Variants in GNA14 observed in about 807,000 individuals in gnomAD.
GNA14 encodes the protein guanine nucleotide-binding protein subunit alpha-14.
Under a neutral mutation model 42.0 loss-of-function variants are expected in GNA14, and 50 were observed. That is an observed-to-expected ratio of 1.19 (90% confidence interval 0.95 to 1.51). GNA14 has a LOEUF of 1.51. Among genes scored for constraint, GNA14 ranks in the 40% most tolerant of loss-of-function variants. GNA14 has a pLI of 0.00. For synonymous variants in GNA14, 173 were observed against 163.1 expected, an observed-to-expected ratio of 1.06 and a Z score of -0.46; for missense variants, 473 against 446.2, an observed-to-expected ratio of 1.06 and a Z score of -0.54.
chr9:77,590,080 C>T (rs1823368626), intron 1 of GNA14, among the ~76,000 whole-genome samples: 1 of 152,086 alleles, frequency 6.6e-6, no homozygotes, highest in African/African-American at 2.4e-5. Context: ...CCACGTCCAG[C>T]TAATTTTTGC....
intron 1 of GNA14, among the ~76,000 whole-genome samples, chr9:77,636,187 A>T (rs1408101665): frequency 6.6e-6 from 1 of 152,192 alleles, no homozygotes; most frequent in African/African-American, 2.4e-5. Flanking sequence ...AACAGAAGCA[A>T]ATATTCTGGG....
At chr9:77,582,486 C>T (rs1017114357) in intron 1 of GNA14, among the ~76,000 whole-genome samples, 4 of 152,208 alleles carry the variant, frequency 2.6e-5, no homozygotes, top group African/African-American at 9.6e-5. Context: ...CCCCTGAGAT[C>T]TTGTCCATTA....
At chr9:77,599,648 T>C (rs1198401721) in intron 1 of GNA14, among the ~76,000 whole-genome samples, 1 of 152,170 alleles carries the variant, frequency 6.6e-6, no homozygotes, top group Non-Finnish European at 1.5e-5. Context: ...CCGGGGAGCC[T>C]GCCATGATCT....
intron 2 of GNA14, among the ~76,000 whole-genome samples, chr9:77,443,323 A>G (rs895577107): frequency 6.7e-6 from 1 of 150,096 alleles, no homozygotes; most frequent in Admixed American, 6.6e-5. Context: ...GACTTCACGT[A>G]AAAAAATGGA....
intron 2 of GNA14, among the ~76,000 whole-genome samples, chr9:77,458,003 G>GA (rs1836034674): frequency 1.3e-5 from 2 of 151,948 alleles, no homozygotes; most frequent in Non-Finnish European, 2.9e-5. Context: ...ATGTGCTTTT[G>GA]AAACGGTGGT....
At chr9:77,486,092 A>G (rs1030149292) in intron 2 of GNA14, among the ~76,000 whole-genome samples, 3 of 152,216 alleles carry the variant, frequency 2.0e-5, no homozygotes, top group East Asian at 1.9e-4. Context: ...TCTTCTTCCA[A>G]TAGAAGGCTG....
intron 2 of GNA14, among the ~76,000 whole-genome samples, chr9:77,488,191 A>G (rs1836693748): frequency 6.6e-6 from 1 of 152,172 alleles, no homozygotes; most frequent in Non-Finnish European, 1.5e-5. Flanking sequence ...GAGAAATTTA[A>G]AAAACTGTGA....
chr9:77,560,286 C>CTTTT (rs770870060), intron 1 of GNA14, among the ~76,000 whole-genome samples: 41 of 119,542 alleles, frequency 3.4e-4, no homozygotes, highest in African/African-American at 1.3e-3. Flanking sequence ...CCTCTCCAGT[C>CTTTT]TTTTTTTTTT....
At chr9:77,568,190 C>A (rs898499373) in intron 1 of GNA14, among the ~76,000 whole-genome samples, 2 of 152,074 alleles carry the variant, frequency 1.3e-5, no homozygotes, top group African/African-American at 4.8e-5. Flanking sequence ...GTGGCTCATA[C>A]CTGTAATCCC....
intron 1 of GNA14, among the ~76,000 whole-genome samples, chr9:77,641,583 A>T (rs1824268400): frequency 6.6e-6 from 1 of 151,986 alleles, no homozygotes; most frequent in Non-Finnish European, 1.5e-5. Context: ...TTAAAAAAAA[A>T]GGGAGAGGGG....
At chr9:77,610,424 CT>C (rs991886351) in intron 1 of GNA14, among the ~76,000 whole-genome samples, 8 of 152,276 alleles carry the variant, frequency 5.3e-5, no homozygotes, top group African/African-American at 1.7e-4. Flanking sequence ...CCTTCTGCCC[CT>C]ACACCTTAAA....
intron 2 of GNA14, 62 bp downstream of exon 2, chr9:77,529,007 T>C: frequency 7.2e-7 from 1 of 1,387,826 alleles, no homozygotes; most frequent in Admixed American, 1.7e-5. Context: ...GGAATCTTTG[T>C]GCTAACCAGA....
At chr9:77,646,870 T>A (rs746445378) in intron 1 of GNA14, among the ~76,000 whole-genome samples, 19 of 152,240 alleles carry the variant, frequency 1.2e-4, no homozygotes, top group Non-Finnish European at 2.6e-4. Flanking sequence ...TGAAAGTGGA[T>A]GTCCTACCCA....
At chr9:77,606,496 T>C (rs894309597) in intron 1 of GNA14, among the ~76,000 whole-genome samples, 7 of 152,228 alleles carry the variant, frequency 4.6e-5, no homozygotes, top group Non-Finnish European at 1.0e-4. Flanking sequence ...TTTCAGGAAG[T>C]GAATGGCCAT....
intron 1 of GNA14, among the ~76,000 whole-genome samples, chr9:77,578,501 C>A (rs899965436): frequency 2.0e-5 from 3 of 151,996 alleles, no homozygotes; most frequent in Non-Finnish European, 2.9e-5. Context: ...GGAATAGATA[C>A]AATATTGAAA....
At chr9:77,496,065 C>G (rs575820311) in intron 2 of GNA14, among the ~76,000 whole-genome samples, 26 of 152,166 alleles carry the variant, frequency 1.7e-4, no homozygotes, top group African/African-American at 6.3e-4. Context: ...GGAGATGCAC[C>G]GGGGGAGGTA....
chr9:77,492,277 G>T (rs1836788122), intron 2 of GNA14, among the ~76,000 whole-genome samples: 1 of 151,272 alleles, frequency 6.6e-6, no homozygotes, highest in Non-Finnish European at 1.5e-5. Context: ...AAAATTAGTA[G>T]AAAGAAAGAA....
chr9:77,428,061 G>A lies in GNA14; in HGVS notation c.723+846C>T, dbSNP rs368225332. 3.7e-4 allele frequency among the ~76,000 whole-genome samples: 56 copies of A among 151,432 alleles called. No homozygotes were observed. The East Asian group carries it at 5.7e-3, about 15-fold the overall frequency. ...ATTTTTAGTGTTCAGTCCAAGAGATGGCATTTTTTCTTTTTTTTTTTCTTT... is the reference window on the plus strand; with the variant it reads ...ATTTTTAGTGTTCAGTCCAAGAGATAGCATTTTTTCTTTTTTTTTTTCTTT... On this transcript the variant is annotated intron_variant, in intron 5 of 6. Coordinates refer to ENST00000341700, the MANE Select transcript of GNA14 (RefSeq NM_004297.4).
chr9:77,430,864 A>G (rs1019675692), intron 4 of GNA14, among the ~76,000 whole-genome samples: 2 of 152,244 alleles, frequency 1.3e-5, no homozygotes, highest in African/African-American at 4.8e-5. Flanking sequence ...TAGTTTGTAC[A>G]TATTATTCTT....
Sources: allele counts gnomAD v4.1 joint callset (sites outside exome capture counted in the v4.1 genomes callset), GRCh38; gene constraint gnomAD v4.1.1; transcripts MANE v1.5; gene names NCBI Gene and HGNC (gene_info 2026-07-23, HGNC 2026-07-21).